Variants in PTPRM observed in about 807,000 individuals in gnomAD.
The protein encoded by PTPRM is receptor-type tyrosine-protein phosphatase mu.
Under a neutral mutation model 186.7 loss-of-function variants are expected in PTPRM, and 47 were observed. The ratio of observed to expected loss-of-function variants is 0.25; its 90% CI spans 0.20 to 0.32. PTPRM has a LOEUF of 0.32. Among genes scored for constraint, PTPRM ranks in the 10% least tolerant of loss-of-function variants. The pLI is 1.00. For missense variants in PTPRM, 1,494 were observed against 1,865.0 expected (o/e 0.80, Z 3.66); for synonymous variants, 668 against 674.9 (o/e 0.99, Z 0.16).
At chr18:7,989,195 A>T (rs2083129555) in intron 7 of PTPRM, among the ~76,000 whole-genome samples, 1 of 147,912 alleles carries the variant, frequency 6.8e-6, no homozygotes, top group Non-Finnish European at 1.5e-5. Flanking sequence ...GGTGTGGCTA[A>T]TTTTTTTTTT....
At chr18:7,919,774 T>C (rs1393134178) in intron 4 of PTPRM, among the ~76,000 whole-genome samples, 2 of 152,148 alleles carry the variant, frequency 1.3e-5, no homozygotes, top group Non-Finnish European at 2.9e-5. Context: ...TTGTTGACTT[T>C]CTGTCTGAAT....
At chr18:8,206,145 A>C (rs1394100484) in intron 14 of PTPRM, among the ~76,000 whole-genome samples, 1 of 152,246 alleles carries the variant, frequency 6.6e-6, no homozygotes, top group Non-Finnish European at 1.5e-5. Context: ...GTGAAGATGC[A>C]CCAAGAAATG....
intron 7 of PTPRM, among the ~76,000 whole-genome samples, chr18:8,040,492 TTTAAAGAACAGAA>T (rs1472717718): frequency 1.3e-5 from 2 of 152,168 alleles, no homozygotes; most frequent in African/African-American, 4.8e-5. Flanking sequence ...AGCGGTAAGA[TTTAAAGAACAGAA>T]TCACAGATTT....
At chr18:7,617,177 A>C (rs1255828059) in intron 1 of PTPRM, among the ~76,000 whole-genome samples, 1 of 152,184 alleles carries the variant, frequency 6.6e-6, no homozygotes, top group Non-Finnish European at 1.5e-5. Flanking sequence ...TATCAGTGGA[A>C]GTGCCGAGAT....
At chr18:8,341,993 G>T (rs1398639777) in intron 22 of PTPRM, among the ~76,000 whole-genome samples, 2 of 152,218 alleles carry the variant, frequency 1.3e-5, no homozygotes, top group African/African-American at 4.8e-5. Context: ...AAAGGGATTA[G>T]ATGCAGAGAC....
chr18:8,088,919 A>G (rs1568322165), intron 11 of PTPRM, 68 bp downstream of exon 11: 8 of 1,212,622 alleles, frequency 6.6e-6, no homozygotes, highest in South Asian at 1.3e-5. Context: ...AATTCCTCCA[A>G]TGTGTTTTCT....
chr18:7,714,031 A>T (rs1220283506), intron 1 of PTPRM, among the ~76,000 whole-genome samples: 3 of 152,224 alleles, frequency 2.0e-5, no homozygotes, highest in Non-Finnish European at 4.4e-5. Flanking sequence ...CCTAATAGAC[A>T]TCTACAGAAC....
At chr18:8,091,317 T>A (rs2090711882) in intron 11 of PTPRM, among the ~76,000 whole-genome samples, 1 of 152,206 alleles carries the variant, frequency 6.6e-6, no homozygotes, top group Non-Finnish European at 1.5e-5. Context: ...GTGAATATGC[T>A]CCTTGAATTT....
chr18:8,185,640 C>T lies in PTPRM; in HGVS notation c.2300+41861C>T, dbSNP rs73391906. Among the ~76,000 whole-genome samples the T allele has an allele frequency of 5.5e-3, 830 of 152,246 alleles. 5 individuals are homozygous for T. The highest frequency in any genetic ancestry group is 0.019 in the African/African-American group (786 of 41,544). On this transcript the variant is annotated intron_variant, in intron 14 of 32. Coordinates refer to ENST00000580170, the MANE Select transcript of PTPRM (RefSeq NM_001105244.2). ...GATTTGAACTGTTCATCTCTATGAC[C>T]CGTCTTTGTGTGTCTTGTTAATAGA...
chr18:7,956,584 C>T (rs1449344984), intron 7 of PTPRM, among the ~76,000 whole-genome samples: 1 of 152,204 alleles, frequency 6.6e-6, no homozygotes, highest in Non-Finnish European at 1.5e-5. Flanking sequence ...TCTCAGACCC[C>T]ACATCTGTAT....
At position 7,718,080 on chromosome 18, in the gene PTPRM, G is replaced by A. The variant is rs143486721; in HGVS notation, c.74-56069G>A. ...GAAAAAAAAAATTTAAATTCATATG[G>A]AACCAAAAAAAAAGCCTGAATAGCC... On this transcript the variant is annotated intron_variant, in intron 1 of 32. Coordinates refer to ENST00000580170, the MANE Select transcript of PTPRM (RefSeq NM_001105244.2). Among the ~76,000 whole-genome samples the A allele has an allele frequency of 2.0e-5, 3 of 151,226 alleles. No homozygotes were observed. In the East Asian group the frequency reaches 5.8e-4, roughly 29 times the overall value.
At chr18:7,803,081 G>A (rs754232118) in intron 2 of PTPRM, among the ~76,000 whole-genome samples, 3 of 152,156 alleles carry the variant, frequency 2.0e-5, no homozygotes, top group Non-Finnish European at 4.4e-5. Context: ...TTTATGGTGG[G>A]AGGATGGGGA....
chr18:8,014,538 G>A (rs768239272), intron 7 of PTPRM, among the ~76,000 whole-genome samples: 2 of 152,128 alleles, frequency 1.3e-5, no homozygotes, highest in Non-Finnish European at 2.9e-5. Flanking sequence ...TAGGATAATT[G>A]CCTTTTATGG....
chr18:7,834,792 G>A (rs374260926), intron 2 of PTPRM, among the ~76,000 whole-genome samples: 13 of 151,736 alleles, frequency 8.6e-5, no homozygotes, highest in South Asian at 2.1e-4. Flanking sequence ...CCCATTACTC[G>A]TTATTGGTCT....
At chr18:7,910,299 C>T (rs1375785819) in intron 4 of PTPRM, among the ~76,000 whole-genome samples, 1 of 152,178 alleles carries the variant, frequency 6.6e-6, no homozygotes, top group Non-Finnish European at 1.5e-5. Flanking sequence ...TCTCTTGTTA[C>T]TGGTGGAGGG....
chr18:7,816,560 AT>A (rs1246374926), intron 2 of PTPRM, among the ~76,000 whole-genome samples: 1 of 152,096 alleles, frequency 6.6e-6, no homozygotes, highest in Non-Finnish European at 1.5e-5. Flanking sequence ...TGTGAGGTCA[AT>A]TTTTTTAATA....
intron 2 of PTPRM, among the ~76,000 whole-genome samples, chr18:7,809,915 A>G (rs1410169930): frequency 6.6e-6 from 1 of 152,218 alleles, no homozygotes; most frequent in East Asian, 1.9e-4. Flanking sequence ...AATTCTGAAG[A>G]AAACCTCTAG....
intron 23 of PTPRM, among the ~76,000 whole-genome samples, chr18:8,345,307 T>G (rs603476): frequency 0.84 from 127,149 of 152,094 alleles, 54,172 homozygotes; most frequent in Middle Eastern, 0.94. Context: ...ATAACAAAGT[T>G]CAACAAAATA....
At chr18:7,996,446 A>T (rs2083542508) in intron 7 of PTPRM, among the ~76,000 whole-genome samples, 2 of 152,156 alleles carry the variant, frequency 1.3e-5, no homozygotes, top group Admixed American at 6.6e-5. Context: ...TACCAAACAG[A>T]ATAATTTGAA....
Sources: gnomAD v4.1 joint callset for allele counts (sites outside exome capture counted in the v4.1 genomes callset) on GRCh38, gnomAD v4.1.1 for gene constraint, MANE v1.5 for transcripts, NCBI Gene and HGNC (gene_info 2026-07-23, HGNC 2026-07-21) for gene names.